Variants in RAD51B observed in about 807,000 individuals in gnomAD.
RAD51B encodes RAD51 paralog B, also known as DNA repair protein RAD51 homolog 2.
A neutral mutation model predicts 42.2 loss-of-function variants in RAD51B; 38 were observed. That is an observed-to-expected ratio of 0.90 (90% confidence interval 0.70 to 1.18). The LOEUF (loss-of-function observed/expected upper bound fraction) is 1.18, where lower values mean the gene tolerates loss of function less well. Among genes scored for constraint, RAD51B ranks in the 50% most tolerant of loss-of-function variants. The pLI is 0.00. For missense variants in RAD51B, 373 were observed against 400.7 expected, an observed-to-expected ratio of 0.93 and a Z score of 0.59; for synonymous variants, 154 against 145.2, an observed-to-expected ratio of 1.06 and a Z score of -0.43.
chr14:68,486,780 C>T (rs1883657244), intron 10 of RAD51B, among the ~76,000 whole-genome samples: 1 of 152,224 alleles, frequency 6.6e-6, no homozygotes, highest in Non-Finnish European at 1.5e-5. Flanking sequence ...CACACCTCAA[C>T]TCCAAAGTCT....
At chr14:68,226,463 C>T (rs555821853) in intron 7 of RAD51B, among the ~76,000 whole-genome samples, 17 of 152,228 alleles carry the variant, frequency 1.1e-4, no homozygotes, top group East Asian at 3.9e-4. Context: ...GAGAGGGACC[C>T]GGTGGGAGGT....
chr14:67,904,294 G>C (rs112085141), intron 7 of RAD51B, among the ~76,000 whole-genome samples: 2 of 151,994 alleles, frequency 1.3e-5, no homozygotes, highest in Non-Finnish European at 2.9e-5. Context: ...TAGGTTGAAC[G>C]ATAGTTCTAA....
intron 8 of RAD51B, among the ~76,000 whole-genome samples, chr14:68,317,716 AAG>A (rs1245798196): frequency 6.6e-6 from 1 of 152,182 alleles, no homozygotes; most frequent in Non-Finnish European, 1.5e-5. Flanking sequence ...TTGGGAGAGA[AAG>A]AGAGACCATT....
intron 5 of RAD51B, among the ~76,000 whole-genome samples, chr14:67,867,998 AT>A (rs1455850369): frequency 6.6e-6 from 1 of 152,234 alleles, no homozygotes; most frequent in Non-Finnish European, 1.5e-5. Flanking sequence ...ATATCTAGAT[AT>A]CTTTTTACTA....
intron 5 of RAD51B, among the ~76,000 whole-genome samples, chr14:67,873,139 A>G (rs1410850887): frequency 1.3e-5 from 2 of 152,212 alleles, no homozygotes; most frequent in African/African-American, 4.8e-5. Context: ...AACTACCATC[A>G]GAGTGAACAG....
chr14:68,050,630 G>T (rs1346832268), intron 7 of RAD51B, among the ~76,000 whole-genome samples: 1 of 152,112 alleles, frequency 6.6e-6, no homozygotes, highest in Non-Finnish European at 1.5e-5. Flanking sequence ...ATCGACATGA[G>T]TACCATACTG....
chr14:67,984,315 T>C (rs963139912), intron 7 of RAD51B, among the ~76,000 whole-genome samples: 1 of 152,220 alleles, frequency 6.6e-6, no homozygotes, highest in Non-Finnish European at 1.5e-5. Context: ...AGTAATAACT[T>C]AATCTGTCTT....
intron 10 of RAD51B, among the ~76,000 whole-genome samples, chr14:68,578,431 A>G (rs1460028424): frequency 6.6e-6 from 1 of 152,196 alleles, no homozygotes; most frequent in Admixed American, 6.5e-5. Context: ...AAAACAAAAA[A>G]AGGAGAAAGA....
At chr14:68,576,716 T>A (rs1889977943) in intron 10 of RAD51B, among the ~76,000 whole-genome samples, 1 of 152,158 alleles carries the variant, frequency 6.6e-6, no homozygotes, top group Non-Finnish European at 1.5e-5. Context: ...GTCATTTGGC[T>A]GCACTGGAGG....
chr14:68,389,084 C>G (rs1398138125), intron 8 of RAD51B, among the ~76,000 whole-genome samples: 1 of 152,140 alleles, frequency 6.6e-6, no homozygotes, highest in Non-Finnish European at 1.5e-5. Context: ...TGTGAGGAAG[C>G]CTCTGGATTC....
At chr14:68,220,026 GAC>G (rs1006368652) in intron 7 of RAD51B, among the ~76,000 whole-genome samples, 73 of 152,114 alleles carry the variant, frequency 4.8e-4, no homozygotes, top group African/African-American at 1.7e-3. Context: ...GGAAATCAAG[GAC>G]ACACTTAGAG....
At chr14:68,288,721 T>A (rs1428062710) in intron 7 of RAD51B, among the ~76,000 whole-genome samples, 1 of 152,234 alleles carries the variant, frequency 6.6e-6, no homozygotes, top group African/African-American at 2.4e-5. Flanking sequence ...TATATCTTGA[T>A]TTCCCCCATG....
chr14:68,075,437 T>C (rs1176601733), intron 7 of RAD51B, among the ~76,000 whole-genome samples: 1 of 149,414 alleles, frequency 6.7e-6, no homozygotes. Flanking sequence ...TCAGCTGGGG[T>C]TGGGATGCCT....
chr14:68,258,977 C>T (rs1426333741), intron 7 of RAD51B, among the ~76,000 whole-genome samples: 1 of 152,126 alleles, frequency 6.6e-6, no homozygotes, highest in African/African-American at 2.4e-5. Context: ...CCAGAGTGAC[C>T]TGTCCCTAGT....
At chr14:67,925,359 G>A (rs1049945726) in intron 7 of RAD51B, among the ~76,000 whole-genome samples, 3 of 151,158 alleles carry the variant, frequency 2.0e-5, no homozygotes, top group Non-Finnish European at 4.4e-5. Context: ...TGTACCCTCT[G>A]CCTCCTGAGT....
chr14:68,556,108 T>C (rs781309877), intron 10 of RAD51B, among the ~76,000 whole-genome samples: 5 of 152,198 alleles, frequency 3.3e-5, no homozygotes, highest in Non-Finnish European at 7.4e-5. Context: ...TTATTTCTTC[T>C]AATACCTCAG....
At chr14:67,925,135 G>A (rs567279460) in intron 7 of RAD51B, among the ~76,000 whole-genome samples, 8 of 152,234 alleles carry the variant, frequency 5.3e-5, no homozygotes, top group Non-Finnish European at 1.0e-4. Context: ...GATGCAAGAA[G>A]TGGGTTCCCA....
chr14:68,160,878 G>C (rs1412388921), intron 7 of RAD51B, among the ~76,000 whole-genome samples: 1 of 152,194 alleles, frequency 6.6e-6, no homozygotes, highest in East Asian at 1.9e-4. Context: ...TGGCTTGATT[G>C]TTGGTAACAT....
Position 67,867,801 on chromosome 14 carries a change from G to A in RAD51B, c.452+2662G>A, listed in dbSNP as rs73280453. 8.3e-3 allele frequency among the ~76,000 whole-genome samples: 1,268 copies of A among 152,234 alleles called. 13 individuals carry two copies. Among genetic ancestry groups the A allele is most frequent in the African/African-American group, 0.03 (1,228 of 41,554 alleles). ...GAGGTAAGGCAGGGAAATATGAGACGCAAAAAGGACTATGTTGTAGCTCTG... is the reference window on the plus strand; with the variant it reads ...GAGGTAAGGCAGGGAAATATGAGACACAAAAAGGACTATGTTGTAGCTCTG... On this transcript the variant is annotated intron_variant, in intron 5 of 10. Coordinates refer to ENST00000471583, the MANE Select transcript of RAD51B (RefSeq NM_133510.4).
Sources: allele counts gnomAD v4.1 joint callset (sites outside exome capture counted in the v4.1 genomes callset), GRCh38; gene constraint gnomAD v4.1.1; transcripts MANE v1.5; gene names NCBI Gene and HGNC (gene_info 2026-07-23, HGNC 2026-07-21).